The following PLEKHH1 variants were observed in gnomAD, a reference collection of about 807,000 sequenced individuals.
PLEKHH1 encodes pleckstrin homology, MyTH4 and FERM domain containing H1, also known as pleckstrin homology domain-containing family H member 1.
A neutral mutation model predicts 160.0 loss-of-function variants in PLEKHH1; 104 were observed. The observed-to-expected ratio is 0.65, with a 90% CI of 0.55 to 0.76. PLEKHH1 has a LOEUF of 0.76. PLEKHH1 is among the 30% of genes least tolerant of loss of function. The pLI is 0.00. For missense variants in PLEKHH1, 1,427 were observed against 1,724.1 expected, an observed-to-expected ratio of 0.83 and a Z score of 3.05; for synonymous variants, 619 against 678.4, an observed-to-expected ratio of 0.91 and a Z score of 1.36.
In PLEKHH1 at chr14:67,559,819, G is replaced by C. The variant is rs146783653; in HGVS notation, c.423+128G>C. 465 of 649,870 alleles carry C rather than the reference G, an allele frequency of 7.2e-4. 1 individual carries two copies. The highest frequency in any genetic ancestry group is 1.1e-3 in the Non-Finnish European group (383 of 354,168). 40.3% of individuals were successfully genotyped at this position (649,870 alleles called of 1,614,324 possible). Reference sequence around the variant, plus strand: ...CTTCATTCTGTCCAGCACTTGTTTTGCATTCAGCCTCCATGCTGAGACACC... The same window carrying C: ...CTTCATTCTGTCCAGCACTTGTTTTCCATTCAGCCTCCATGCTGAGACACC... On this transcript the variant is annotated intron_variant, in intron 5 of 28. Coordinates refer to ENST00000329153, the MANE Select transcript of PLEKHH1 (RefSeq NM_020715.3).
In PLEKHH1 at chr14:67,561,869, C is replaced by CAA. The variant is rs373609799; in HGVS notation, c.424-69_424-68dup. The CAA allele has an allele frequency of 6.7e-3, 5,082 of 754,176 alleles. 58 individuals are homozygous for CAA. The highest frequency in any genetic ancestry group is 0.063 in the Admixed American group (1,914 of 30,570). The allele number at this position is 754,176 out of a possible 1,614,324, so 46.7% of individuals were successfully genotyped here. ...TGGCCAACAGAGCAAGACCCTGTCT[C>CAA]AAAAAAAAAAAAAAAAAGAATTGAA... On this transcript the variant is annotated intron_variant, in intron 5 of 28. Coordinates refer to ENST00000329153, the MANE Select transcript of PLEKHH1 (RefSeq NM_020715.3).
At chr14:67,566,807 T>A (rs894304685) in intron 7 of PLEKHH1, among the ~76,000 whole-genome samples, 3 of 149,400 alleles carry the variant, frequency 2.0e-5, no homozygotes, top group Non-Finnish European at 4.4e-5. Context: ...TGTATGTGTG[T>A]GAGAGAGAGG....
chr14:67,542,112 T>C (rs755768807), intron 2 of PLEKHH1, 119 bp downstream of exon 2: 18 of 970,280 alleles, frequency 1.9e-5, no homozygotes, highest in Non-Finnish European at 2.5e-5. Context: ...TTTCCCCATA[T>C]GCAAAATGAA....
In PLEKHH1 at chr14:67,578,214, G is replaced by A. The variant is rs994972270; in HGVS notation, c.2751+15G>A. ...CCCTCATGCAGGTAGGCATGCCAGG[G>A]GTGGAGCAGCTGACAGAAGCCATTG... is the stretch of plus-strand genomic sequence containing the variant. On this transcript the variant is annotated intron_variant, in intron 19 of 28. Transcript: ENST00000329153. The surrounding 1 kb of genome is among the most constrained non-coding windows in gnomAD (Gnocchi z 5.0). 7 of 1,610,852 alleles carry A rather than the reference G, an allele frequency of 4.3e-6. No individual in the cohort carries two copies. Among genetic ancestry groups the A allele is most frequent in the Non-Finnish European group, 5.9e-6 (7 of 1,177,876 alleles).
At chr14:67,540,815 T>G (rs959616671) in intron 1 of PLEKHH1, among the ~76,000 whole-genome samples, 3 of 152,132 alleles carry the variant, frequency 2.0e-5, no homozygotes, top group Non-Finnish European at 4.4e-5. Context: ...CCAGGCATTC[T>G]CTCCTGCTTG....
chr14:67,579,722 T>G lies in PLEKHH1; in HGVS notation c.3029T>G (p.Val1010Gly). 1 of 1,611,878 alleles carries G rather than the reference T, an allele frequency of 6.2e-7. No individual in the cohort carries two copies. The highest frequency in any genetic ancestry group is 8.5e-7 in the Non-Finnish European group (1 of 1,179,054). ...PVHFTNGTYH[V>G]VGFDGSSTVD... ...GTTGGAACTCTTCTCCCGCCTCAGG[T>G]GGTTGGTTTTGACGGCTCTTCCACG... The change falls in exon 22 of 29, where the codon GTG (valine) becomes GGG (glycine). Residue 1010 changes from valine to glycine, a missense_variant and splice_region_variant. Val to Gly is a moderately radical substitution (Grantham distance 109). Around this residue, in one of 6 missense-constraint regions of PLEKHH1, gnomAD observed 436 missense variants for 607.5 expected, o/e 0.72. Transcript: ENST00000329153.
intron 5 of PLEKHH1, 91 bp from the exon 6 acceptor site, chr14:67,561,863 C>G (rs753867846): frequency 4.1e-4 from 381 of 918,252 alleles, no homozygotes; most frequent in Non-Finnish European, 5.7e-4. Context: ...GAGCAAGACC[C>G]TGTCTCAAAA....
At position 67,562,068 on chromosome 14, in the gene PLEKHH1, C is replaced by T. The variant is rs370578357; in HGVS notation, c.505+33C>T. The T allele has an allele frequency of 1.8e-4, 284 of 1,608,712 alleles. 1 individual carries two copies. Among genetic ancestry groups the T allele is most frequent in the Middle Eastern group, 3.3e-4 (2 of 6,056 alleles). ...GGCCAGGGTGTGCAGGTGTGCAGTACGTGTGTTTGGTGGGTATGGGGCTGA... is the reference window on the plus strand; with the variant it reads ...GGCCAGGGTGTGCAGGTGTGCAGTATGTGTGTTTGGTGGGTATGGGGCTGA... On this transcript the variant is annotated intron_variant, in intron 6 of 28. Transcript: ENST00000329153.
At chr14:67,571,630 TTCAGA>T in intron 9 of PLEKHH1, 117 bp from the exon 10 acceptor site, 1 of 916,656 alleles carries the variant, frequency 1.1e-6, no homozygotes, top group East Asian at 2.5e-5. Flanking sequence ...CAGTTGTCTG[TTCAGA>T]GTCCCGGCTG....
chr14:67,587,605 C>A lies in PLEKHH1; in HGVS notation c.*370C>A. On this transcript the variant is annotated 3_prime_UTR_variant, in exon 29 of 29. Coordinates refer to ENST00000329153, the MANE Select transcript of PLEKHH1 (RefSeq NM_020715.3). The stretch of plus-strand genomic sequence containing the variant: ...AAGCTAATTTTCTTTCTGGGGGGGG[C>A]GGGGGACACAGTGTCACTATGTCAC... 3.7e-6 allele frequency: 1 copy of A among 268,040 alleles called. No individual in the cohort carries two copies. The highest frequency in any genetic ancestry group is 3.7e-5 in the South Asian group (1 of 27,042). 16.6% of individuals were successfully genotyped at this position (268,040 alleles called of 1,614,324 possible).
rs372136838 is a variant in PLEKHH1 at position 67,578,170 on chromosome 14, C to T, written c.2722C>T (p.Arg908Cys). Residue 908 changes from arginine (R) to cysteine (C), a missense_variant, in exon 19 of 29, where the codon CGC becomes TGC. This residue lies in a region of PLEKHH1 where 436 missense variants were observed against 607.5 expected (regional missense o/e 0.72). Transcript: ENST00000329153. The surrounding 1 kb of genome is among the most constrained non-coding windows in gnomAD (Gnocchi z 5.0). Reference sequence around the variant, plus strand: ...CCAACTCATGAAGCAGACCAGCTGCCGCCCACCTCAGAAGTACTCCCTCAT... The same window carrying T: ...CCAACTCATGAAGCAGACCAGCTGCTGCCCACCTCAGAAGTACTCCCTCAT... ...YCQLMKQTSC[R>C]PPQKYSLMQC... 3.8e-5 allele frequency: 62 copies of T among 1,613,784 alleles called. No homozygotes were observed. Among genetic ancestry groups the T allele is most frequent in the South Asian group, 9.9e-5 (9 of 91,078 alleles).
intron 4 of PLEKHH1, among the ~76,000 whole-genome samples, chr14:67,558,660 CAA>C (rs1210583207): frequency 6.6e-6 from 1 of 152,126 alleles, no homozygotes; most frequent in African/African-American, 2.4e-5. Flanking sequence ...TTTTGTGAGT[CAA>C]GAGACCTGGT....
rs1470028409 is a variant in PLEKHH1, at chr14:67,578,577, A to G, written c.2795A>G (p.Gln932Arg). 1 of 1,612,418 alleles carries G rather than the reference A, an allele frequency of 6.2e-7. No individual in the cohort carries two copies. Among genetic ancestry groups the G allele is most frequent in the Non-Finnish European group, 8.5e-7 (1 of 1,179,390 alleles). ...LALCAPLFLP[Q>R]HHFLWYVKQQ... ...CTGTGTGCTCCACTTTTCCTGCCTC[A>G]GCATCACTTCCTCTGGTATGTCAAG... The change falls in exon 20 of 29, where the codon CAG becomes CGG. Residue 932 changes from glutamine to arginine, a missense_variant. Gln to Arg is a conservative substitution (Grantham distance 43). Coordinates refer to ENST00000329153, the MANE Select transcript of PLEKHH1 (RefSeq NM_020715.3). This position sits in a 1 kb window ranked among gnomAD's most constrained non-coding sequence, Gnocchi z 5.0.
In PLEKHH1 at chr14:67,575,452, T is replaced by C. The variant is rs1261349441; in HGVS notation, c.2149T>C (p.Tyr717His). ...CALVGKIFYY[Y>H]RSHEDKRPLG... ...TCTTGTTGGGAAAATCTTCTACTAC[T>C]ATCGGAGCCATGAGGACAAGGTACT... The change falls in exon 15 of 29, where the codon TAT becomes CAT. Residue 717 changes from tyrosine to histidine, a missense_variant. Physicochemically the swap from Tyr to His is moderately conservative, Grantham distance 83. Coordinates refer to ENST00000329153, the MANE Select transcript of PLEKHH1 (RefSeq NM_020715.3). 1.2e-6 allele frequency: 2 copies of C among 1,606,104 alleles called. No homozygotes were observed. Among genetic ancestry groups the C allele is most frequent in the African/African-American group, 1.3e-5 (1 of 74,804 alleles).
At position 67,576,624 on chromosome 14, in the gene PLEKHH1, G is replaced by C. The variant is rs2035634003; in HGVS notation, c.2461+121G>C. The C allele has an allele frequency of 3.7e-5, 21 of 566,346 alleles. No homozygotes were observed. The South Asian group carries it at 4.5e-4, about 12-fold the overall frequency. The allele number at this position is 566,346 out of a possible 1,614,324, so 35.1% of individuals were successfully genotyped here. A position where few individuals can be genotyped will look rare whatever the true frequency, so the allele number is the denominator to read the frequency against. On this transcript the variant is annotated intron_variant, in intron 17 of 28. Coordinates refer to ENST00000329153, the MANE Select transcript of PLEKHH1 (RefSeq NM_020715.3). This position sits in a 1 kb window ranked among gnomAD's most constrained non-coding sequence, Gnocchi z 4.0. ...CTGTTTTTAAAACATCTAAGCCACAGAGGGGAAGTTCCCATCCAAGCTCCA... is the reference window on the plus strand; with the variant it reads ...CTGTTTTTAAAACATCTAAGCCACACAGGGGAAGTTCCCATCCAAGCTCCA...
At chr14:67,580,297 A>G (rs1243106752) in intron 22 of PLEKHH1, 1 of 178,068 alleles carries the variant, frequency 5.6e-6, no homozygotes, top group Non-Finnish European at 1.2e-5. Context: ...TGCCATGCTT[A>G]TAGGTTGAAC....
intron 2 of PLEKHH1, among the ~76,000 whole-genome samples, chr14:67,549,671 G>A (rs561802777): frequency 1.6e-4 from 24 of 152,282 alleles, no homozygotes; most frequent in Non-Finnish European, 3.1e-4. Flanking sequence ...TGTAGTGCTC[G>A]TGAACCATTT....
At chr14:67,583,701 G>A (rs747594044) in intron 24 of PLEKHH1, 40 bp from the exon 25 acceptor site, 2 of 1,564,704 alleles carry the variant, frequency 1.3e-6, no homozygotes, top group Non-Finnish European at 1.7e-6. Flanking sequence ...CCCATCCACT[G>A]TCAGATTTTG....
chr14:67,573,155 C>G lies in PLEKHH1; in HGVS notation c.1729-121C>G, dbSNP rs2035465396. The G allele has an allele frequency of 3.1e-6, 2 of 654,006 alleles. No individual in the cohort carries two copies. The highest frequency in any genetic ancestry group is 5.5e-5 in the East Asian group (2 of 36,652). The allele number at this position is 654,006 out of a possible 1,614,324, so 40.5% of individuals were successfully genotyped here. A position where few individuals can be genotyped will look rare whatever the true frequency, so the allele number is the denominator to read the frequency against. On this transcript the variant is annotated intron_variant, in intron 11 of 28. Transcript: ENST00000329153. This position sits in a 1 kb window ranked among gnomAD's most constrained non-coding sequence, Gnocchi z 4.8. ...TCTGAAAATACACTGAGTAGGTACT[C>G]AATAATTTTGTATTTAATTGATGAC...
Sources: gnomAD v4.1 joint callset for allele counts (sites outside exome capture counted in the v4.1 genomes callset) on GRCh38, gnomAD v4.1.1 for gene constraint, gnomAD v4.1.1 regional missense constraint, Gnocchi (gnomAD v3.1) non-coding constraint, MANE v1.5 for transcripts, NCBI Gene and HGNC (gene_info 2026-07-23, HGNC 2026-07-21) for gene names.